The following HUS1 variants were observed in gnomAD, a reference collection of about 807,000 sequenced individuals.
HUS1 encodes HUS1 checkpoint clamp component.
Under a neutral mutation model 32.6 loss-of-function variants are expected in HUS1, and 31 were observed. The ratio of observed to expected loss-of-function variants is 0.95; its 90% CI spans 0.72 to 1.28. The LOEUF (loss-of-function observed/expected upper bound fraction) is 1.28. HUS1 is among the 50% of genes most tolerant of loss of function. The pLI is 0.00. For synonymous variants in HUS1, 123 were observed against 116.6 expected, an observed-to-expected ratio of 1.06 and a Z score of -0.36; for missense variants, 340 against 337.7, an observed-to-expected ratio of 1.01 and a Z score of -0.05.
rs1375204550 is a variant in HUS1 at position 47,969,259 on chromosome 7, A to G, written c.600T>C (p.Cys200=). ...CAAGATCTTTAAAATGAGTTGTAAC[A>G]CATACTAATTCAGTTTCTATTTTCA... ...LNLKIETELV[C]VTTHFKDLGN... is the part of the protein sequence containing the mutation. Residue 200 remains cysteine (C), a synonymous_variant, in exon 6 of 8, where the codon TGT becomes TGC. Coordinates refer to ENST00000258774, the MANE Select transcript of HUS1 (RefSeq NM_004507.4). 6.3e-7 allele frequency: 1 copy of G among 1,590,296 alleles called. No individual in the cohort carries two copies. Among genetic ancestry groups the G allele is most frequent in the Non-Finnish European group, 8.6e-7 (1 of 1,163,100 alleles).
At chr7:47,976,048 G>C (rs993290717) in intron 4 of HUS1, among the ~76,000 whole-genome samples, 2 of 152,060 alleles carry the variant, frequency 1.3e-5, no homozygotes, top group Non-Finnish European at 2.9e-5. Context: ...CTCCTCTAAG[G>C]GACATTTACA....
chr7:47,978,965 C>T (rs531162277), intron 1 of HUS1, 149 bp from the exon 2 acceptor site: 2 of 719,614 alleles, frequency 2.8e-6, no homozygotes. Context: ...ACTTTAATAC[C>T]CCTGATGTCA....
Position 47,979,582 on chromosome 7 carries a change from T to C in HUS1, c.-63A>G, listed in dbSNP as rs1488090183. ...TAACAGAAAAGCGTCGCGCCCTGAGTGTCCCCGCCCGGAAACACGGCAGCG... is the reference window on the plus strand; with the variant it reads ...TAACAGAAAAGCGTCGCGCCCTGAGCGTCCCCGCCCGGAAACACGGCAGCG... On this transcript the variant is annotated 5_prime_UTR_variant, in exon 1 of 8. Transcript: ENST00000258774. 2.0e-5 allele frequency: 26 copies of C among 1,316,172 alleles called. No homozygotes were observed. The highest frequency in any genetic ancestry group is 2.7e-5 in the Non-Finnish European group (25 of 917,556). The allele number at this position is 1,316,172 out of a possible 1,614,324, so 81.5% of individuals were successfully genotyped here.
At chr7:47,970,232 C>CAAAAAAAA (rs777331089) in intron 5 of HUS1, among the ~76,000 whole-genome samples, 3 of 47,828 alleles carry the variant, frequency 6.3e-5, no homozygotes, top group Non-Finnish European at 7.8e-5. Context: ...GACTCTGTCT[C>CAAAAAAAA]AAAAAAAAAA....
chr7:47,969,201 A>G lies in HUS1; in HGVS notation c.640+18T>C. The G allele has an allele frequency of 8.0e-7, 1 of 1,255,366 alleles. No individual in the cohort carries two copies. The highest frequency in any genetic ancestry group is 1.1e-6 in the Non-Finnish European group (1 of 870,236). 77.8% of individuals were successfully genotyped at this position (1,255,366 alleles called of 1,614,324 possible). A position where few individuals can be genotyped will look rare whatever the true frequency, so the allele number is the denominator to read the frequency against. On this transcript the variant is annotated intron_variant, in intron 6 of 7. Coordinates refer to ENST00000258774, the MANE Select transcript of HUS1 (RefSeq NM_004507.4). ...ATTAACTTATCCAAAGCAAAATATA[A>G]CCCACTAGAAAACTTACCTAATGGA...
Position 47,976,359 on chromosome 7 carries a change from C to T in HUS1, c.465+371G>A, listed in dbSNP as rs535361982. 9 of 460,108 alleles carry T rather than the reference C, an allele frequency of 2.0e-5. No homozygotes were observed. In the East Asian group the frequency reaches 5.5e-4, roughly 28 times the overall value. 28.5% of individuals were successfully genotyped at this position (460,108 alleles called of 1,614,324 possible). On this transcript the variant is annotated intron_variant, in intron 4 of 7. Transcript: ENST00000258774. ...GTTAGCCCTAAGCCATGAAATTCTTCTCTTCTTGGCTTTCGTGCACATCCA... is the reference window on the plus strand; with the variant it reads ...GTTAGCCCTAAGCCATGAAATTCTTTTCTTCTTGGCTTTCGTGCACATCCA...
chr7:47,966,187 CTG>C (rs1202419458), intron 7 of HUS1, among the ~76,000 whole-genome samples: 5 of 152,014 alleles, frequency 3.3e-5, no homozygotes, highest in Non-Finnish European at 7.4e-5. Flanking sequence ...GAGGCAGAGA[CTG>C]AGGGTGGCAG....
intron 5 of HUS1, among the ~76,000 whole-genome samples, chr7:47,973,176 G>A (rs1788633142): frequency 2.0e-5 from 3 of 152,198 alleles, no homozygotes; most frequent in Middle Eastern, 3.2e-3. Context: ...ATACAGGACT[G>A]TGAGTCAATT....
In HUS1 at chr7:47,969,283, C is replaced by T. The variant is rs763890469; in HGVS notation, c.576G>A (p.Leu192=). The part of the protein sequence containing the change: ...IEANLDGELN[L]KIETELVCVT... ...CACATACTAATTCAGTTTCTATTTTCAAATTCAATTCTCCATCTAGGTTTG... is the reference window on the plus strand; with the variant it reads ...CACATACTAATTCAGTTTCTATTTTTAAATTCAATTCTCCATCTAGGTTTG... The change falls in exon 6 of 8, where the codon TTG becomes TTA. Residue 192 remains leucine (L), a synonymous_variant. Transcript: ENST00000258774. The T allele has an allele frequency of 4.4e-6, 7 of 1,592,184 alleles. No homozygotes were observed. The highest frequency in any genetic ancestry group is 6.0e-6 in the Non-Finnish European group (7 of 1,163,202).
rs754824991 is a variant in HUS1, at chr7:47,978,563, C to T, written c.211G>A (p.Gly71Ser). The change falls in exon 3 of 8, where the codon GGT becomes AGT. Residue 71 changes from glycine (G) to serine (S), a missense_variant. Physicochemically the swap from Gly to Ser is moderately conservative, Grantham distance 56. Coordinates refer to ENST00000258774, the MANE Select transcript of HUS1 (RefSeq NM_004507.4). ...ENFFNEFQME[G>S]VSAENNEIYL... ...ATCTCATTGTTTTCTGCAGAGACACCCTCCATTTGAAATTCGTTGAAGAAG... is the reference window on the plus strand; with the variant it reads ...ATCTCATTGTTTTCTGCAGAGACACTCTCCATTTGAAATTCGTTGAAGAAG... The T allele has an allele frequency of 6.2e-7, 1 of 1,613,976 alleles. No individual in the cohort carries two copies. The highest frequency in any genetic ancestry group is 1.3e-5 in the African/African-American group (1 of 74,912).
chr7:47,969,627 A>T (rs1327056227), intron 5 of HUS1, among the ~76,000 whole-genome samples: 2 of 152,218 alleles, frequency 1.3e-5, no homozygotes, highest in African/African-American at 4.8e-5. Context: ...CAGCAGCACA[A>T]GGGCAGGGCT....
Position 47,965,255 on chromosome 7 carries a change from T to A in HUS1, c.*101A>T, listed in dbSNP as rs1200553986. The A allele has an allele frequency of 1.1e-5, 8 of 751,178 alleles. No homozygotes were observed. The highest frequency in any genetic ancestry group is 5.8e-5 in the South Asian group (4 of 68,880). 46.5% of individuals were successfully genotyped at this position (751,178 alleles called of 1,614,324 possible). On this transcript the variant is annotated 3_prime_UTR_variant, in exon 8 of 8. Coordinates refer to ENST00000258774, the MANE Select transcript of HUS1 (RefSeq NM_004507.4). ...GGGACAAATAAGTACAGTGTGTCGATGTGCGGTGCTGTGAGGGCACAGACC... is the reference window on the plus strand; with the variant it reads ...GGGACAAATAAGTACAGTGTGTCGAAGTGCGGTGCTGTGAGGGCACAGACC...
At position 47,967,868 on chromosome 7, in the gene HUS1, T is replaced by G; in HGVS notation, c.698A>C (p.Asp233Ala). The change falls in exon 7 of 8, where the codon GAT (aspartate) becomes GCT (alanine). Residue 233 changes from aspartate (D) to alanine (A), a missense_variant. Coordinates refer to ENST00000258774, the MANE Select transcript of HUS1 (RefSeq NM_004507.4). The stretch of plus-strand genomic sequence containing the variant: ...AAGAAACTGTAGGAGCTTCCTAATA[T>G]CTATGTGCACTTCAGCCATGTGTTC... ...NVEHMAEVHI[D>A]IRKLLQFLAG... The G allele has an allele frequency of 6.2e-7, 1 of 1,614,052 alleles. No individual in the cohort carries two copies. Among genetic ancestry groups the G allele is most frequent in the Non-Finnish European group, 8.5e-7 (1 of 1,179,938 alleles).
At chr7:47,975,492 T>G (rs549420979) in intron 5 of HUS1, 121 bp downstream of exon 5, 2 of 695,718 alleles carry the variant, frequency 2.9e-6, no homozygotes, top group East Asian at 5.4e-5. Flanking sequence ...GGCCAGGTCC[T>G]CATAAGTGGG....
At chr7:47,972,690 T>G (rs1157702462) in intron 5 of HUS1, among the ~76,000 whole-genome samples, 4 of 106,220 alleles carry the variant, frequency 3.8e-5, no homozygotes, top group African/African-American at 1.2e-4. Context: ...ATAGCTGCAC[T>G]GTTATCCCCA....
At chr7:47,968,681 CTT>C (rs1788531208) in intron 6 of HUS1, 1 of 152,972 alleles carries the variant, frequency 6.5e-6, no homozygotes, top group Admixed American at 6.5e-5. Flanking sequence ...CTAACCCCCT[CTT>C]GGCTTATAAC....
intron 7 of HUS1, among the ~76,000 whole-genome samples, chr7:47,965,944 A>T (rs561511940): frequency 1.3e-5 from 2 of 151,894 alleles, no homozygotes; most frequent in African/African-American, 4.8e-5. Flanking sequence ...CAGGGAAGTA[A>T]AGAGCACATG....
In HUS1 at chr7:47,976,711, G is replaced by T. The variant is rs760878032; in HGVS notation, c.465+19C>A. ...CCATTTAATGTGGGGTGTACAGCAG[G>T]ACTGCAGGCATCACCTACATCAGGA... On this transcript the variant is annotated intron_variant, in intron 4 of 7. Coordinates refer to ENST00000258774, the MANE Select transcript of HUS1 (RefSeq NM_004507.4). 1 of 1,307,644 alleles carries T rather than the reference G, an allele frequency of 7.6e-7. No individual in the cohort carries two copies. The highest frequency in any genetic ancestry group is 1.2e-5 in the South Asian group (1 of 84,834). 81.0% of individuals were successfully genotyped at this position (1,307,644 alleles called of 1,614,324 possible). A position where few individuals can be genotyped will look rare whatever the true frequency, so the allele number is the denominator to read the frequency against.
At chr7:47,976,036 C>T (rs760214368) in intron 4 of HUS1, among the ~76,000 whole-genome samples, 30 of 152,108 alleles carry the variant, frequency 2.0e-4, no homozygotes, top group Non-Finnish European at 4.0e-4. Context: ...CAGCAGGAGG[C>T]CCTCCTCTAA....
Sources: allele counts gnomAD v4.1 joint callset (sites outside exome capture counted in the v4.1 genomes callset), GRCh38; gene constraint gnomAD v4.1.1; transcripts MANE v1.5; gene names NCBI Gene and HGNC (gene_info 2026-07-23, HGNC 2026-07-21).